The following TASP1 variants were observed in gnomAD, a reference collection of about 807,000 sequenced individuals.
TASP1 encodes the protein taspase 1, also known as threonine aspartase 1.
In TASP1, 16 loss-of-function variants were observed where a neutral mutation model predicts 56.6. The observed-to-expected ratio is 0.28, with a 90% CI of 0.19 to 0.43. The LOEUF (loss-of-function observed/expected upper bound fraction) is 0.43. Ranked by LOEUF, TASP1 falls within the 20% of genes least tolerant of loss-of-function variation. The pLI, the probability that TASP1 is intolerant of heterozygous loss-of-function variation, is 1.00. For synonymous variants in TASP1, 179 were observed against 184.2 expected (o/e 0.97, Z 0.23); for missense variants, 393 against 511.6 (o/e 0.77, Z 2.24).
the TASP1 span, among the ~76,000 whole-genome samples, chr20:13,276,944 G>C: frequency 6.6e-6 from 1 of 152,188 alleles, no homozygotes; most frequent in Non-Finnish European, 1.5e-5. Context: ...GGGTGCGGTG[G>C]ATCCTAAGAT....
At chr20:13,194,059 A>G in the TASP1 span, among the ~76,000 whole-genome samples, 1 of 152,196 alleles carries the variant, frequency 6.6e-6, no homozygotes, top group Non-Finnish European at 1.5e-5. Context: ...CTACCGTTGT[A>G]TATCCAAATG....
rs1338678214 is a variant in TASP1, at chr20:13,389,420, C to T, written c.*940G>A. 1 of 152,172 alleles carries T rather than the reference C, an allele frequency of 6.6e-6. No homozygotes were observed. Among genetic ancestry groups the T allele is most frequent in the African/African-American group, 2.4e-5 (1 of 41,434 alleles). 9.4% of individuals were successfully genotyped at this position (152,172 alleles called of 1,614,324 possible). On this transcript the variant is annotated 3_prime_UTR_variant, in exon 14 of 14. Coordinates refer to ENST00000337743, the MANE Select transcript of TASP1 (RefSeq NM_017714.3). ...AGGATTCAAAAGATAATTTATTAGTCTGAGAAGAGGAGTCACATACTATAC... is the reference window on the plus strand; with the variant it reads ...AGGATTCAAAAGATAATTTATTAGTTTGAGAAGAGGAGTCACATACTATAC...
At chr20:13,561,390 G>C (rs2046338404) in intron 7 of TASP1, among the ~76,000 whole-genome samples, 1 of 152,034 alleles carries the variant, frequency 6.6e-6, no homozygotes, top group Non-Finnish European at 1.5e-5. Context: ...TTTTGAGACA[G>C]AGTCTCCCTC....
the TASP1 span, among the ~76,000 whole-genome samples, chr20:13,357,818 C>T: frequency 6.6e-6 from 1 of 152,210 alleles, no homozygotes; most frequent in Non-Finnish European, 1.5e-5. Context: ...TGATCTACTA[C>T]TACATGCAAC....
chr20:13,487,415 A>T (rs1262931402), intron 10 of TASP1, among the ~76,000 whole-genome samples: 1 of 152,140 alleles, frequency 6.6e-6, no homozygotes, highest in Non-Finnish European at 1.5e-5. Flanking sequence ...TGTATTCTAC[A>T]CACCAACCTC....
chr20:13,324,428 G>C, the TASP1 span, among the ~76,000 whole-genome samples: 2 of 152,188 alleles, frequency 1.3e-5, no homozygotes, highest in African/African-American at 4.8e-5. Flanking sequence ...AGTACCCAAA[G>C]ATGCAGAAAA....
the TASP1 span, among the ~76,000 whole-genome samples, chr20:13,194,363 G>C: frequency 2.0e-5 from 3 of 152,168 alleles, no homozygotes; most frequent in African/African-American, 7.2e-5. Flanking sequence ...AGAGGTTTAA[G>C]TTATATCATT....
rs1282943878 is a variant in TASP1 at position 13,389,736 on chromosome 20, T to A, written c.*624A>T. On this transcript the variant is annotated 3_prime_UTR_variant, in exon 14 of 14. Coordinates refer to ENST00000337743, the MANE Select transcript of TASP1 (RefSeq NM_017714.3). ...ATCAGACTATTATTTAAAAAGGTTCTGACATTAATTCTCTGCTAGATTGTT... is the reference window on the plus strand; with the variant it reads ...ATCAGACTATTATTTAAAAAGGTTCAGACATTAATTCTCTGCTAGATTGTT... 1 of 152,842 alleles carries A rather than the reference T, an allele frequency of 6.5e-6. No homozygotes were observed. The highest frequency in any genetic ancestry group is 2.4e-5 in the African/African-American group (1 of 41,460). The allele number at this position is 152,842 out of a possible 1,614,324, so 9.5% of individuals were successfully genotyped here.
At chr20:13,360,840 C>T in the TASP1 span, among the ~76,000 whole-genome samples, 16 of 152,214 alleles carry the variant, frequency 1.1e-4, no homozygotes, top group African/African-American at 2.2e-4. Context: ...ACACCTGACC[C>T]CCATGACTGT....
chr20:13,390,966 T>C (rs1447471332), intron 13 of TASP1, among the ~76,000 whole-genome samples: 2 of 151,936 alleles, frequency 1.3e-5, no homozygotes, highest in Non-Finnish European at 2.9e-5. Flanking sequence ...AGAAGAAAAA[T>C]AAGAGCTTAC....
the TASP1 span, chr20:13,159,880 T>C: frequency 4.6e-6 from 6 of 1,312,458 alleles, no homozygotes; most frequent in Admixed American, 7.6e-5. Flanking sequence ...CTTCCACTTA[T>C]TATCATAAAA....
At chr20:13,491,022 T>A (rs2043508282) in intron 10 of TASP1, among the ~76,000 whole-genome samples, 1 of 152,180 alleles carries the variant, frequency 6.6e-6, no homozygotes, top group African/African-American at 2.4e-5. Flanking sequence ...TCTATTAAAG[T>A]GATTCTCAGC....
intron 10 of TASP1, among the ~76,000 whole-genome samples, chr20:13,488,023 C>T (rs1227111155): frequency 6.6e-6 from 1 of 151,200 alleles, no homozygotes; most frequent in African/African-American, 2.4e-5. Flanking sequence ...GAAAAAGAAA[C>T]AGAGCCTAGA....
intron 11 of TASP1, among the ~76,000 whole-genome samples, chr20:13,449,730 A>G (rs1416804770): frequency 6.6e-6 from 1 of 152,092 alleles, no homozygotes; most frequent in Non-Finnish European, 1.5e-5. Context: ...GCATACTGTT[A>G]TACGTGAACT....
the TASP1 span, among the ~76,000 whole-genome samples, chr20:13,130,986 C>T: frequency 2.0e-5 from 3 of 152,174 alleles, no homozygotes; most frequent in African/African-American, 4.8e-5. Flanking sequence ...ATTGGTTCCA[C>T]ACCAGTTGTG....
intron 13 of TASP1, among the ~76,000 whole-genome samples, chr20:13,400,742 A>G (rs368797210): frequency 1.3e-5 from 2 of 152,222 alleles, no homozygotes; most frequent in African/African-American, 4.8e-5. Context: ...AGAACAGCGC[A>G]ACCATAGCCA....
chr20:13,457,773 T>G (rs12329562), intron 11 of TASP1, among the ~76,000 whole-genome samples: 9 of 152,082 alleles, frequency 5.9e-5, no homozygotes, highest in Non-Finnish European at 1.3e-4. Flanking sequence ...ACATTCACAA[T>G]CTAATAGAGC....
chr20:13,425,073 T>C (rs2042574396), intron 12 of TASP1, among the ~76,000 whole-genome samples: 1 of 152,208 alleles, frequency 6.6e-6, no homozygotes, highest in Admixed American at 6.5e-5. Flanking sequence ...GTATTTGTAC[T>C]TAATCTTAGA....
At position 13,603,626 on chromosome 20, in the gene TASP1, G is replaced by A. The variant is rs1414110130; in HGVS notation, c.283-16256C>T. On this transcript the variant is annotated intron_variant, in intron 4 of 13. Coordinates refer to ENST00000337743, the MANE Select transcript of TASP1 (RefSeq NM_017714.3). ...TTTATAAAACATATTATCTCTTAACGGACTTCTATCCAGAATTTATTTTTA... is the reference window on the plus strand; with the variant it reads ...TTTATAAAACATATTATCTCTTAACAGACTTCTATCCAGAATTTATTTTTA... 4.6e-5 allele frequency among the ~76,000 whole-genome samples: 7 copies of A among 152,216 alleles called. No individual in the cohort carries two copies. The East Asian group carries it at 5.8e-4, about 13-fold the overall frequency.
Sources: allele counts gnomAD v4.1 joint callset (sites outside exome capture counted in the v4.1 genomes callset), GRCh38; gene constraint gnomAD v4.1.1; transcripts MANE v1.5; gene names NCBI Gene and HGNC (gene_info 2026-07-23, HGNC 2026-07-21).